Variants in TFEC observed in about 807,000 individuals in gnomAD.
TFEC encodes the protein class E basic helix-loop-helix protein 34.
TFEC carries 31 observed loss-of-function variants against 41.6 expected under a neutral mutation model. That is an observed-to-expected ratio of 0.74 (90% CI 0.56 to 1.01). TFEC has a LOEUF of 1.01. TFEC is among the 50% of genes least tolerant of loss of function. TFEC has a pLI of 0.00. For synonymous variants in TFEC, 143 were observed against 140.6 expected, an observed-to-expected ratio of 1.02 and a Z score of -0.12; for missense variants, 402 against 404.1, an observed-to-expected ratio of 0.99 and a Z score of 0.04.
At chr7:115,961,955 A>C (rs7458010) in intron 3 of TFEC, among the ~76,000 whole-genome samples, 65,394 of 151,478 alleles carry the variant, frequency 0.43, 14,494 homozygotes, top group Non-Finnish European at 0.49. Context: ...GCACACACGC[A>C]CATACACCAT....
chr7:116,014,292 T>C (rs1795109981), intron 1 of TFEC, among the ~76,000 whole-genome samples: 1 of 152,104 alleles, frequency 6.6e-6, no homozygotes, highest in South Asian at 2.1e-4. Context: ...GCATATAAAA[T>C]GTTGGAAAGA....
At chr7:116,062,658 T>G (rs942251141) in intron 3 of TFEC, among the ~76,000 whole-genome samples, 2 of 149,306 alleles carry the variant, frequency 1.3e-5, no homozygotes, top group Non-Finnish European at 3.0e-5. Context: ...TTTTGCAAAT[T>G]GCAAATTGTG....
At chr7:116,022,554 A>C (rs1334581456) in intron 1 of TFEC, among the ~76,000 whole-genome samples, 1 of 152,188 alleles carries the variant, frequency 6.6e-6, no homozygotes, top group East Asian at 1.9e-4. Flanking sequence ...TCTCAGAGTT[A>C]TTTTGATTAC....
chr7:115,968,250 T>C, intron 3 of TFEC: 1 of 1,530,360 alleles, frequency 6.5e-7, no homozygotes, highest in Non-Finnish European at 8.7e-7. Context: ...TCCTTCATCA[T>C]TTTCTTTTCC....
intron 1 of TFEC, among the ~76,000 whole-genome samples, chr7:116,019,255 T>C (rs369697817): frequency 6.6e-6 from 1 of 152,166 alleles, no homozygotes; most frequent in African/African-American, 2.4e-5. Flanking sequence ...AACAATTTCA[T>C]CTTTCCCTTC....
intron 1 of TFEC, among the ~76,000 whole-genome samples, chr7:115,995,701 A>G (rs749744935): frequency 6.6e-6 from 1 of 152,162 alleles, no homozygotes; most frequent in Non-Finnish European, 1.5e-5. Flanking sequence ...GGTAGGAAAG[A>G]CAGTCTTGAA....
chr7:116,059,648 C>A (rs183046766), intron 3 of TFEC, among the ~76,000 whole-genome samples: 1 of 151,878 alleles, frequency 6.6e-6, no homozygotes. Flanking sequence ...AGGATTAGGT[C>A]GAGTGCATCC....
At chr7:116,143,535 A>G (rs1274791132) in intron 1 of TFEC, among the ~76,000 whole-genome samples, 2 of 152,212 alleles carry the variant, frequency 1.3e-5, no homozygotes, top group African/African-American at 4.8e-5. Flanking sequence ...CTGGAAGTAG[A>G]CAGAGAAAAC....
intron 1 of TFEC, among the ~76,000 whole-genome samples, chr7:116,151,971 ATC>A (rs758311621): frequency 1.3e-5 from 2 of 152,088 alleles, no homozygotes; most frequent in Non-Finnish European, 2.9e-5. Flanking sequence ...ACAAATATAA[ATC>A]TCTCTGTGAC....
chr7:116,107,330 G>A (rs1415213403), intron 3 of TFEC, among the ~76,000 whole-genome samples: 2 of 152,156 alleles, frequency 1.3e-5, no homozygotes, highest in East Asian at 3.8e-4. Flanking sequence ...TAAAAAAACT[G>A]AGCATAGCAC....
chr7:116,109,749 C>T (rs1395639238), intron 3 of TFEC, among the ~76,000 whole-genome samples: 1 of 152,152 alleles, frequency 6.6e-6, no homozygotes, highest in Non-Finnish European at 1.5e-5. Flanking sequence ...GATTATAAGT[C>T]ATGCTGCTAT....
chr7:115,941,213 C>T (rs979011016), intron 7 of TFEC: 1 of 266,766 alleles, frequency 3.7e-6, no homozygotes, highest in African/African-American at 2.2e-5. Context: ...ACAATATAGC[C>T]ATTTGGAGAT....
chr7:116,124,908 A>G (rs1299462974), intron 1 of TFEC, among the ~76,000 whole-genome samples: 1 of 152,210 alleles, frequency 6.6e-6, no homozygotes, highest in Non-Finnish European at 1.5e-5. Flanking sequence ...GGCCTGCATT[A>G]TATCCTCAAG....
At chr7:115,987,276 G>GA (rs1160495087) in intron 1 of TFEC, among the ~76,000 whole-genome samples, 2 of 151,772 alleles carry the variant, frequency 1.3e-5, no homozygotes, top group Non-Finnish European at 2.9e-5. Flanking sequence ...CTGTTCCCTA[G>GA]AAAAAAAATC....
intron 3 of TFEC, among the ~76,000 whole-genome samples, chr7:116,056,211 T>C (rs554018421): frequency 4.0e-5 from 6 of 151,278 alleles, no homozygotes; most frequent in Middle Eastern, 3.4e-3. Flanking sequence ...AAAGAAAAGG[T>C]AAGCTCGACA....
chr7:116,110,950 G>C, intron 2 of TFEC: 3 of 1,380,454 alleles, frequency 2.2e-6, no homozygotes, highest in Non-Finnish European at 2.9e-6. Flanking sequence ...TGGAAAAAAA[G>C]GAGCACTGTA....
At position 115,984,419 on chromosome 7, in the gene TFEC, A is replaced by T; in HGVS notation, c.23T>A (p.Ile8Asn). The T allele has an allele frequency of 6.2e-7, 1 of 1,614,132 alleles. No homozygotes were observed. The highest frequency in any genetic ancestry group is 8.5e-7 in the Non-Finnish European group (1 of 1,179,980). ...TTGTGACCATTTAAGAGTTGGATTG[A>T]TGATCTGATGATCAAGGGTCATGAA... MTLDHQI[I>N]NPTLKWSQPA... The change falls in exon 2 of 8, where the codon ATC becomes AAC. Residue 8 changes from isoleucine (I) to asparagine (N), a missense_variant. Ile to Asn is a moderately radical substitution (Grantham distance 149). Coordinates refer to ENST00000265440, the MANE Select transcript of TFEC (RefSeq NM_012252.4).
intron 3 of TFEC, among the ~76,000 whole-genome samples, chr7:116,100,639 T>C (rs1797583079): frequency 6.6e-6 from 1 of 152,038 alleles, no homozygotes; most frequent in African/African-American, 2.4e-5. Context: ...TGAGTGAGAA[T>C]TCAGGATAAG....
At chr7:116,000,128 G>T (rs1239491880) in intron 1 of TFEC, among the ~76,000 whole-genome samples, 1 of 151,988 alleles carries the variant, frequency 6.6e-6, no homozygotes, top group Non-Finnish European at 1.5e-5. Flanking sequence ...GACCAAATGG[G>T]ATTTATCCCA....
Sources: allele counts gnomAD v4.1 joint callset (sites outside exome capture counted in the v4.1 genomes callset), GRCh38; gene constraint gnomAD v4.1.1; transcripts MANE v1.5; gene names NCBI Gene and HGNC (gene_info 2026-07-23, HGNC 2026-07-21).